MBD2: variants seen among roughly 807,000 people sequenced by gnomAD.
MBD2 encodes methyl-CpG binding domain protein 2, also known as methyl-CpG-binding domain protein 2.
Under a neutral mutation model 39.3 loss-of-function variants are expected in MBD2, and 9 were observed. That is an observed-to-expected ratio of 0.23 (90% CI 0.14 to 0.40). MBD2 has a LOEUF of 0.40. MBD2 is among the 10% of genes least tolerant of loss of function. MBD2 has a pLI of 1.00. For synonymous variants in MBD2, 233 were observed against 211.1 expected (o/e 1.10, Z -0.90); for missense variants, 458 against 532.6 (o/e 0.86, Z 1.38).
At chr18:54,201,406 T>C (rs539530536) in intron 2 of MBD2, among the ~76,000 whole-genome samples, 2 of 152,274 alleles carry the variant, frequency 1.3e-5, no homozygotes, top group East Asian at 1.9e-4. Flanking sequence ...TAAGGTATAA[T>C]GTAATCAAGA....
intron 4 of MBD2, among the ~76,000 whole-genome samples, chr18:54,165,280 C>A (rs1390256225): frequency 2.0e-5 from 3 of 152,116 alleles, no homozygotes; most frequent in Non-Finnish European, 4.4e-5. Context: ...AACAAAATAT[C>A]CAAAATCAGA....
intron 1 of MBD2, chr18:54,222,438 A>G (rs903459349): frequency 4.1e-6 from 2 of 485,284 alleles, no homozygotes; most frequent in Admixed American, 2.3e-5. Flanking sequence ...CATTAAATCA[A>G]ATATTTAATG....
At position 54,168,572 on chromosome 18, in the gene MBD2, C is replaced by CATATATATAT. The variant is rs56174434; in HGVS notation, c.841-2416_841-2407dup. On this transcript the variant is annotated intron_variant, in intron 3 of 6. Transcript: ENST00000256429. ...TTGTTATGCCATGAAAATGGAGATA[C>CATATATATAT]ATATATATATATATATATATATATA... 6.9e-3 allele frequency among the ~76,000 whole-genome samples: 789 copies of CATATATATAT among 114,828 alleles called. 58 individuals are homozygous for CATATATATAT. Among genetic ancestry groups the CATATATATAT allele is most frequent in the African/African-American group, 0.022 (593 of 26,386 alleles). The allele number at this position is 114,828 out of a possible 152,430, so 75.3% of individuals were successfully genotyped here. A position where few individuals can be genotyped will look rare whatever the true frequency, so the allele number is the denominator to read the frequency against.
Position 54,201,915 on chromosome 18 carries a change from C to T in MBD2, c.702+3083G>A, listed in dbSNP as rs369378502. Among the ~76,000 whole-genome samples, 13 of 151,332 alleles carry T rather than the reference C, an allele frequency of 8.6e-5. No homozygotes were observed. The East Asian group carries it at 1.6e-3, about 18-fold the overall frequency. On this transcript the variant is annotated intron_variant, in intron 2 of 6. Coordinates refer to ENST00000256429, the MANE Select transcript of MBD2 (RefSeq NM_003927.5). ...AATCACACCTAAAGATATTATTCAT[C>T]ACCAGTAATTCACCTCTGATATGGA...
At chr18:54,201,418 T>C (rs965160461) in intron 2 of MBD2, among the ~76,000 whole-genome samples, 2 of 152,140 alleles carry the variant, frequency 1.3e-5, no homozygotes, top group Non-Finnish European at 2.9e-5. Context: ...TAATCAAGAA[T>C]GGAATCGATT....
At chr18:54,220,622 C>G (rs1394361086) in intron 1 of MBD2, among the ~76,000 whole-genome samples, 2 of 152,174 alleles carry the variant, frequency 1.3e-5, no homozygotes, top group African/African-American at 2.4e-5. Context: ...CAATTGGGTG[C>G]AGGTGTTCAC....
At chr18:54,210,237 C>A (rs1225850212) in intron 1 of MBD2, among the ~76,000 whole-genome samples, 1 of 152,026 alleles carries the variant, frequency 6.6e-6, no homozygotes, top group East Asian at 1.9e-4. Flanking sequence ...AAAATCAAAA[C>A]ATGAATTGTA....
intron 3 of MBD2, among the ~76,000 whole-genome samples, chr18:54,172,588 TTAATCATTA>T (rs765127327): frequency 4.6e-5 from 7 of 152,296 alleles, no homozygotes; most frequent in African/African-American, 1.7e-4. Context: ...ACGATTTTCA[TTAATCATTA>T]TATCCAATTT....
intron 6 of MBD2, among the ~76,000 whole-genome samples, chr18:54,157,686 G>A (rs1456536210): frequency 6.6e-6 from 1 of 152,118 alleles, no homozygotes; most frequent in Non-Finnish European, 1.5e-5. Flanking sequence ...AAAGATAAAG[G>A]CACTATGGAA....
At chr18:54,199,304 C>A (rs1193917420) in intron 2 of MBD2, among the ~76,000 whole-genome samples, 3 of 152,090 alleles carry the variant, frequency 2.0e-5, no homozygotes, top group Non-Finnish European at 4.4e-5. Context: ...AAGTCTTTAT[C>A]CTCCCTGATC....
chr18:54,192,581 G>A (rs1378658291), intron 2 of MBD2, among the ~76,000 whole-genome samples: 1 of 152,092 alleles, frequency 6.6e-6, no homozygotes, highest in African/African-American at 2.4e-5. Context: ...AACAAAGGTG[G>A]CATCATGTGT....
At chr18:54,184,769 AC>A (rs1161735973) in intron 3 of MBD2, among the ~76,000 whole-genome samples, 1 of 152,090 alleles carries the variant, frequency 6.6e-6, no homozygotes, top group Admixed American at 6.5e-5. Context: ...TTTCTTAAAC[AC>A]CTATAGCACT....
chr18:54,196,862 TGCTAACATG>T (rs960553885), intron 2 of MBD2, among the ~76,000 whole-genome samples: 1 of 152,214 alleles, frequency 6.6e-6, no homozygotes, highest in Non-Finnish European at 1.5e-5. Context: ...CAAGCCTATT[TGCTAACATG>T]GCTAACATTC....
intron 1 of MBD2, among the ~76,000 whole-genome samples, chr18:54,219,430 G>C (rs554342043): frequency 6.6e-6 from 1 of 152,330 alleles, no homozygotes; most frequent in East Asian, 1.9e-4. Flanking sequence ...GTTTGGCATT[G>C]TGTCGAGGGG....
chr18:54,164,651 A>G lies in MBD2; in HGVS notation c.981T>C (p.Ser327=), dbSNP rs369348072. 2.5e-6 allele frequency: 4 copies of G among 1,613,876 alleles called. No homozygotes were observed. The highest frequency in any genetic ancestry group is 2.5e-6 in the Non-Finnish European group (3 of 1,179,860). Residue 327 remains serine (S), a synonymous_variant, in exon 5 of 7, where the codon AGT becomes AGC. Coordinates refer to ENST00000256429, the MANE Select transcript of MBD2 (RefSeq NM_003927.5). ...NDETLLSAVA[S]ALHTSSAPIT... ...TTGGCGCAGAGCTTGTGTGCAAAGC[A>G]CTGGCAACAGCAGATAAAAGGGTCT...
rs2086591946 is a variant in MBD2, at chr18:54,219,538, A to G, written c.542+4480T>C. Among the ~76,000 whole-genome samples, 4 of 152,246 alleles carry G rather than the reference A, an allele frequency of 2.6e-5. No homozygotes were observed. The South Asian group carries it at 8.3e-4, about 31-fold the overall frequency. On this transcript the variant is annotated intron_variant, in intron 1 of 6. Transcript: ENST00000256429. ...TAACTACATAGGAATTATGAGAAAGAAGACAATATCAGAAAAGGCTTTTTA... is the reference window on the plus strand; with the variant it reads ...TAACTACATAGGAATTATGAGAAAGGAGACAATATCAGAAAAGGCTTTTTA...
intron 3 of MBD2, among the ~76,000 whole-genome samples, chr18:54,169,831 A>C (rs2086167101): frequency 6.6e-6 from 1 of 152,238 alleles, no homozygotes; most frequent in Non-Finnish European, 1.5e-5. Context: ...AACTCCCAAA[A>C]TGTGCTATCA....
At chr18:54,160,890 G>A (rs2086092186) in intron 5 of MBD2, among the ~76,000 whole-genome samples, 1 of 151,772 alleles carries the variant, frequency 6.6e-6, no homozygotes, top group Non-Finnish European at 1.5e-5. Flanking sequence ...AGGGGGCAAA[G>A]CTCTTGAGAC....
chr18:54,217,886 C>A (rs1051190111), intron 1 of MBD2, among the ~76,000 whole-genome samples: 1 of 152,142 alleles, frequency 6.6e-6, no homozygotes, highest in African/African-American at 2.4e-5. Flanking sequence ...GGACAGACAG[C>A]AATGCTGCAC....
Sources: gnomAD v4.1 joint callset for allele counts (sites outside exome capture counted in the v4.1 genomes callset) on GRCh38, gnomAD v4.1.1 for gene constraint, MANE v1.5 for transcripts, NCBI Gene and HGNC (gene_info 2026-07-23, HGNC 2026-07-21) for gene names.